The following SLCO5A1 variants were observed in gnomAD, a reference collection of about 807,000 sequenced individuals.
SLCO5A1 encodes the protein organic anion transporter polypeptide-related protein 4.
In SLCO5A1, 39 loss-of-function variants were observed where a neutral mutation model predicts 65.1. The observed-to-expected ratio is 0.60, with a 90% CI of 0.46 to 0.78. The LOEUF is 0.78. Ranked by LOEUF, SLCO5A1 falls within the 30% of genes least tolerant of loss-of-function variation. SLCO5A1 has a pLI of 0.00. For missense variants in SLCO5A1, 1,029 were observed against 1,069.4 expected, an observed-to-expected ratio of 0.96 and a Z score of 0.53; for synonymous variants, 438 against 415.7, an observed-to-expected ratio of 1.05 and a Z score of -0.65.
intron 4 of SLCO5A1, among the ~76,000 whole-genome samples, chr8:69,753,144 G>C (rs1036393052): frequency 6.6e-6 from 1 of 152,116 alleles, no homozygotes. Flanking sequence ...ACAAGAGTTC[G>C]CATCTAAGTA....
intron 4 of SLCO5A1, among the ~76,000 whole-genome samples, chr8:69,743,860 T>C (rs1816909344): frequency 6.6e-6 from 1 of 152,174 alleles, no homozygotes; most frequent in African/African-American, 2.4e-5. Context: ...TTGGCTTTGT[T>C]TCCCTTGGAG....
intron 2 of SLCO5A1, among the ~76,000 whole-genome samples, chr8:69,784,315 T>C (rs370205646): frequency 6.7e-4 from 102 of 152,280 alleles, no homozygotes; most frequent in African/African-American, 2.3e-3. Flanking sequence ...CCATTGATCA[T>C]TGGATAAGTG....
intron 4 of SLCO5A1, among the ~76,000 whole-genome samples, chr8:69,751,733 G>T (rs1441017804): frequency 6.6e-6 from 1 of 152,014 alleles, no homozygotes; most frequent in Non-Finnish European, 1.5e-5. Flanking sequence ...TTTAAGTAGA[G>T]ACTCGGTTTT....
chr8:69,751,650 G>A (rs771853428), intron 4 of SLCO5A1, among the ~76,000 whole-genome samples: 36 of 151,628 alleles, frequency 2.4e-4, no homozygotes, highest in African/African-American at 3.4e-4. Context: ...CGGTTCAAGC[G>A]ATTCTCCTGT....
chr8:69,700,313 C>T (rs770389236), intron 6 of SLCO5A1: 2 of 152,220 alleles, frequency 1.3e-5, no homozygotes, highest in African/African-American at 2.4e-5. Context: ...CGGGTGTGCC[C>T]CTGCCTCCCT....
chr8:69,750,148 G>A (rs1817228599), intron 4 of SLCO5A1, among the ~76,000 whole-genome samples: 1 of 152,188 alleles, frequency 6.6e-6, no homozygotes, highest in Non-Finnish European at 1.5e-5. Context: ...TCATAAAGGA[G>A]TGGACTTTTC....
At chr8:69,777,861 T>C (rs1272361621) in intron 2 of SLCO5A1, among the ~76,000 whole-genome samples, 3 of 152,124 alleles carry the variant, frequency 2.0e-5, no homozygotes, top group African/African-American at 4.8e-5. Flanking sequence ...CGTTAGAAGG[T>C]CAACTCCACA....
rs372883515 is a variant in SLCO5A1 at position 69,673,057 on chromosome 8, G to C, written c.2359C>G (p.Pro787Ala). Residue 787 changes from proline to alanine, a missense_variant, in exon 10 of 10, where the codon CCC (proline) becomes GCC (alanine). Transcript: ENST00000260126. The stretch of plus-strand genomic sequence containing the variant: ...CAAGATCTAGTCCGGGCATTGTCGG[G>C]GTGTCCCACTCTCTCACTCACGGTG... The part of the protein sequence containing the change: ...LSTVSERVGH[P>A]DNARTRSCPA... 1 of 1,614,142 alleles carries C rather than the reference G, an allele frequency of 6.2e-7. No homozygotes were observed.
chr8:69,746,711 G>A (rs563372921), intron 4 of SLCO5A1, among the ~76,000 whole-genome samples: 1 of 152,354 alleles, frequency 6.6e-6, no homozygotes, highest in South Asian at 2.1e-4. Flanking sequence ...AAGGAGGCCA[G>A]TGAGCAGATA....
At chr8:69,715,940 T>G (rs1275534729) in intron 5 of SLCO5A1, among the ~76,000 whole-genome samples, 1 of 152,148 alleles carries the variant, frequency 6.6e-6, no homozygotes, top group Non-Finnish European at 1.5e-5. Context: ...TTCATCGCCC[T>G]AAAAAGAAAC....
chr8:69,834,519 G>T (rs1339646506), intron 1 of SLCO5A1, among the ~76,000 whole-genome samples: 5 of 152,092 alleles, frequency 3.3e-5, no homozygotes, highest in African/African-American at 9.7e-5. Context: ...TTACCCAGGC[G>T]CCTTCCCGGG....
At chr8:69,788,226 A>G (rs1819118413) in intron 2 of SLCO5A1, among the ~76,000 whole-genome samples, 1 of 152,214 alleles carries the variant, frequency 6.6e-6, no homozygotes, top group Non-Finnish European at 1.5e-5. Flanking sequence ...CCTTTTGTGA[A>G]GTATGCTCAT....
intron 6 of SLCO5A1, among the ~76,000 whole-genome samples, chr8:69,694,250 C>T (rs1425239154): frequency 6.6e-6 from 1 of 152,176 alleles, no homozygotes; most frequent in Non-Finnish European, 1.5e-5. Flanking sequence ...AGCTCCACTC[C>T]TTATTAACTG....
intron 2 of SLCO5A1, among the ~76,000 whole-genome samples, chr8:69,800,070 ATC>A (rs1342300169): frequency 1.3e-5 from 2 of 152,106 alleles, no homozygotes; most frequent in Admixed American, 6.5e-5. Flanking sequence ...AAATTGAACT[ATC>A]TGTTGATAAT....
Position 69,748,546 on chromosome 8 carries a change from A to G in SLCO5A1, c.1258+6878T>C, listed in dbSNP as rs144767868. Among the ~76,000 whole-genome samples, 1,363 of 152,358 alleles carry G rather than the reference A, an allele frequency of 8.9e-3. 19 individuals carry two copies. Among genetic ancestry groups the G allele is most frequent in the African/African-American group, 0.031 (1,283 of 41,582 alleles). On this transcript the variant is annotated intron_variant, in intron 4 of 9. Coordinates refer to ENST00000260126, the MANE Select transcript of SLCO5A1 (RefSeq NM_030958.3). ...GATACACAGAAAACATAAATAGAGC[A>G]GAGCATCCAAACCGGGAGAAAGAAT...
intron 4 of SLCO5A1, among the ~76,000 whole-genome samples, chr8:69,744,839 T>C (rs1235641036): frequency 1.3e-5 from 2 of 152,172 alleles, no homozygotes; most frequent in Non-Finnish European, 2.9e-5. Context: ...AGTCATAAGA[T>C]GAAAGGTGGT....
At chr8:69,795,215 C>A (rs1819439759) in intron 2 of SLCO5A1, among the ~76,000 whole-genome samples, 1 of 152,160 alleles carries the variant, frequency 6.6e-6, no homozygotes, top group Non-Finnish European at 1.5e-5. Flanking sequence ...TTCCAACAGT[C>A]CCCCCAAAGT....
At chr8:69,770,162 C>A (rs1818254815) in intron 2 of SLCO5A1, among the ~76,000 whole-genome samples, 1 of 152,130 alleles carries the variant, frequency 6.6e-6, no homozygotes, top group Admixed American at 6.6e-5. Flanking sequence ...CTAAATGGTG[C>A]CTCATCGGGT....
At chr8:69,827,904 C>A (rs1282902445) in intron 2 of SLCO5A1, among the ~76,000 whole-genome samples, 1 of 152,160 alleles carries the variant, frequency 6.6e-6, no homozygotes, top group Non-Finnish European at 1.5e-5. Context: ...ATTCTACATT[C>A]TGCATTCTTC....
Sources: allele counts gnomAD v4.1 joint callset (sites outside exome capture counted in the v4.1 genomes callset), GRCh38; gene constraint gnomAD v4.1.1; transcripts MANE v1.5; gene names NCBI Gene and HGNC (gene_info 2026-07-23, HGNC 2026-07-21).